CD99L2: variants seen among roughly 807,000 people sequenced by gnomAD.
CD99L2 encodes CD99 molecule like 2.
In CD99L2, 24 loss-of-function variants were observed where a neutral mutation model predicts 27.3. That is an observed-to-expected ratio of 0.88 (90% CI 0.64 to 1.24). The LOEUF (loss-of-function observed/expected upper bound fraction) is 1.24, where lower values mean the gene tolerates loss of function less well. Among genes scored for constraint, CD99L2 ranks in the 50% most tolerant of loss-of-function variants. The pLI, the probability that CD99L2 is intolerant of heterozygous loss-of-function variation, is 0.00. For missense variants in CD99L2, 255 were observed against 221.6 expected (o/e 1.15, Z -0.96); for synonymous variants, 97 against 87.9 (o/e 1.10, Z -0.58).
chrX:150,813,871 G>A, intron 4 of CD99L2, among the ~76,000 whole-genome samples: 1 of 111,865 alleles, frequency 8.9e-6, no homozygotes, highest in Middle Eastern at 4.7e-3. Flanking sequence ...TCTGTTAGAT[G>A]TTTTCTTGAA....
At chrX:150,878,993 A>G (rs2047278902) in intron 1 of CD99L2, among the ~76,000 whole-genome samples, 1 of 112,164 alleles carries the variant, frequency 8.9e-6, no homozygotes, top group Non-Finnish European at 1.9e-5. Flanking sequence ...GGACTTTCTT[A>G]TATACATTCT....
chrX:150,771,778 A>G lies in CD99L2; in HGVS notation c.656-1409T>C, dbSNP rs945744967. The G allele has an allele frequency of 1.0e-5, 12 of 1,154,159 alleles. No individual in the cohort carries two copies. The East Asian group carries it at 3.9e-4, about 38-fold the overall frequency. ...GAAGCATCAAGGCTGAAGCAAAAGGAAAGTGAGGAAGGCAAAGCAGCGTTA... is the reference window on the plus strand; with the variant it reads ...GAAGCATCAAGGCTGAAGCAAAAGGGAAGTGAGGAAGGCAAAGCAGCGTTA... On this transcript the variant is annotated intron_variant, in intron 9 of 10. Coordinates refer to ENST00000370377, the MANE Select transcript of CD99L2 (RefSeq NM_031462.4).
intron 2 of CD99L2, among the ~76,000 whole-genome samples, chrX:150,822,750 C>T (rs190211505): frequency 1.0e-3 from 115 of 111,944 alleles, no homozygotes; most frequent in Non-Finnish European, 1.8e-3. Context: ...TGTTATATAC[C>T]TCAAATATAC....
chrX:150,835,206 A>G (rs2124250099), intron 1 of CD99L2, among the ~76,000 whole-genome samples: 1 of 112,218 alleles, frequency 8.9e-6, no homozygotes, highest in East Asian at 2.8e-4. Flanking sequence ...ATAATAATGT[A>G]TTGTATATTT....
chrX:150,895,710 TTA>T (rs1375602365), intron 1 of CD99L2, among the ~76,000 whole-genome samples: 1 of 111,675 alleles, frequency 9.0e-6, no homozygotes, highest in Admixed American at 9.5e-5. Flanking sequence ...AAAAATCGTA[TTA>T]TCTTATTTTG....
At chrX:150,794,308 G>T (rs1226141777) in intron 6 of CD99L2, among the ~76,000 whole-genome samples, 1 of 111,779 alleles carries the variant, frequency 8.9e-6, no homozygotes, top group Non-Finnish European at 1.9e-5. Flanking sequence ...GAGCTTGGAA[G>T]GGAACCCAAC....
intron 1 of CD99L2, among the ~76,000 whole-genome samples, chrX:150,846,577 G>A (rs1178098453): frequency 5.3e-5 from 6 of 112,162 alleles, no homozygotes; most frequent in Non-Finnish European, 1.1e-4. Context: ...TCAAATGTTA[G>A]CTAATATTAT....
At chrX:150,789,588 G>A (rs1480995806) in intron 7 of CD99L2, among the ~76,000 whole-genome samples, 3 of 111,844 alleles carry the variant, frequency 2.7e-5, no homozygotes, top group African/African-American at 6.5e-5. Context: ...TGTATGTAAT[G>A]TTTAAAAATG....
At chrX:150,793,614 C>G in intron 7 of CD99L2, 77 bp downstream of exon 7, 1 of 864,623 alleles carries the variant, frequency 1.2e-6, no homozygotes, top group East Asian at 3.4e-5. Context: ...TTCCCAGAGG[C>G]TCAATTAATC....
intron 1 of CD99L2, among the ~76,000 whole-genome samples, chrX:150,850,992 G>A (rs782213641): frequency 9.0e-6 from 1 of 111,044 alleles, no homozygotes; most frequent in Non-Finnish European, 1.9e-5. Flanking sequence ...CACGTGCCAC[G>A]GCACGCGGCT....
chrX:150,823,670 G>A (rs1557420727), intron 2 of CD99L2, among the ~76,000 whole-genome samples: 1 of 111,737 alleles, frequency 8.9e-6, no homozygotes, highest in Non-Finnish European at 1.9e-5. Flanking sequence ...GCTGCATTTT[G>A]TGAGTGAGGG....
chrX:150,769,687 AGGCCTC>A (rs2043392838), intron 10 of CD99L2, among the ~76,000 whole-genome samples: 1 of 84,965 alleles, frequency 1.2e-5, no homozygotes, highest in South Asian at 4.1e-4. Flanking sequence ...CTGCGCCACC[AGGCCTC>A]GGCTGCTCCC....
chrX:150,824,932 C>G (rs2046347803), intron 2 of CD99L2, among the ~76,000 whole-genome samples: 1 of 111,862 alleles, frequency 8.9e-6, no homozygotes, highest in Non-Finnish European at 1.9e-5. Context: ...TTTGGGTACC[C>G]TAACTCATAC....
chrX:150,809,308 C>T (rs1557420316), intron 4 of CD99L2, among the ~76,000 whole-genome samples: 2 of 111,604 alleles, frequency 1.8e-5, no homozygotes, highest in African/African-American at 6.5e-5. Flanking sequence ...GACAAGACCC[C>T]TAGCCCCAGA....
chrX:150,821,445 C>G (rs1557420662), intron 2 of CD99L2, among the ~76,000 whole-genome samples: 1 of 112,001 alleles, frequency 8.9e-6, no homozygotes, highest in Non-Finnish European at 1.9e-5. Flanking sequence ...GGTGCTCAGA[C>G]AGCTGGATAA....
chrX:150,798,429 C>T (rs1557419997), intron 4 of CD99L2, among the ~76,000 whole-genome samples: 1 of 110,539 alleles, frequency 9.0e-6, no homozygotes, highest in East Asian at 2.9e-4. Context: ...ACCATTCGAT[C>T]GGGGAAAGGA....
chrX:150,807,728 G>C (rs1203803479), intron 4 of CD99L2, among the ~76,000 whole-genome samples: 1 of 111,999 alleles, frequency 8.9e-6, no homozygotes, highest in African/African-American at 3.3e-5. Context: ...TACCTTTTCA[G>C]ATCTGCCTGC....
intron 1 of CD99L2, among the ~76,000 whole-genome samples, chrX:150,881,522 T>C (rs1007737989): frequency 8.9e-6 from 1 of 112,473 alleles, no homozygotes; most frequent in East Asian, 2.8e-4. Context: ...TGAAACACAG[T>C]CAGTGCCCGC....
chrX:150,857,980 A>C (rs1401696930), intron 1 of CD99L2, among the ~76,000 whole-genome samples: 3 of 112,277 alleles, frequency 2.7e-5, no homozygotes, highest in African/African-American at 9.7e-5. Flanking sequence ...ATAGACTGAA[A>C]GTAAAGGGGT....
Sources: gnomAD v4.1 joint callset for allele counts (sites outside exome capture counted in the v4.1 genomes callset) on GRCh38, gnomAD v4.1.1 for gene constraint, MANE v1.5 for transcripts, NCBI Gene and HGNC (gene_info 2026-07-23, HGNC 2026-07-21) for gene names.